Variants in NFATC3 observed in about 807,000 individuals in gnomAD.
The protein encoded by NFATC3 is nuclear factor of activated T cells 3.
Under a neutral mutation model 98.6 loss-of-function variants are expected in NFATC3, and 46 were observed. The observed-to-expected ratio is 0.47, with a 90% CI of 0.37 to 0.60. The LOEUF (loss-of-function observed/expected upper bound fraction) is 0.60. Among genes scored for constraint, NFATC3 ranks in the 20% least tolerant of loss-of-function variants. NFATC3 has a pLI of 0.00. For synonymous variants in NFATC3, 512 were observed against 472.2 expected (o/e 1.08, Z -1.09); for missense variants, 1,256 against 1,295.5 (o/e 0.97, Z 0.47).
chr16:68,086,368 A>G (rs2034373735), intron 1 of NFATC3, among the ~76,000 whole-genome samples: 1 of 152,124 alleles, frequency 6.6e-6, no homozygotes, highest in Admixed American at 6.5e-5. Context: ...TTACTTGAAT[A>G]AAGTGTTCCG....
At chr16:68,163,995 G>A (rs937269948) in intron 4 of NFATC3, among the ~76,000 whole-genome samples, 14 of 152,088 alleles carry the variant, frequency 9.2e-5, no homozygotes, top group African/African-American at 3.1e-4. Flanking sequence ...CTTCCCAGAC[G>A]GGGTGGCGGC....
rs1489948236 is a variant in NFATC3, at chr16:68,192,228, AAAATAT to A, written c.3106+455_3106+460del. 3 of 72,524 alleles carry A rather than the reference AAAATAT, an allele frequency of 4.1e-5. 1 individual carries two copies. In the Admixed American group the frequency reaches 5.7e-4, roughly 14 times the overall value. 4.5% of individuals were successfully genotyped at this position (72,524 alleles called of 1,614,324 possible). On this transcript the variant is annotated intron_variant, in intron 9 of 9. Coordinates refer to ENST00000346183, the MANE Select transcript of NFATC3 (RefSeq NM_173165.3). Reference sequence around the variant, plus strand: ...GTCTCGGGAAAAAAAAAAAAAAAAAAAAATATATATATATATATATATATATGTATG... The same window carrying A: ...GTCTCGGGAAAAAAAAAAAAAAAAAAATATATATATATATATATATGTATG...
At chr16:68,220,213 A>G (rs906531120) in intron 9 of NFATC3, among the ~76,000 whole-genome samples, 10 of 152,110 alleles carry the variant, frequency 6.6e-5, no homozygotes, top group African/African-American at 2.2e-4. Flanking sequence ...CTTTTAATTC[A>G]CTTTGCTCTT....
chr16:68,127,354 A>T (rs2036890435), intron 3 of NFATC3, among the ~76,000 whole-genome samples: 1 of 152,156 alleles, frequency 6.6e-6, no homozygotes, highest in South Asian at 2.1e-4. Flanking sequence ...TATTTAGTGG[A>T]AGACTGAATG....
intron 3 of NFATC3, among the ~76,000 whole-genome samples, chr16:68,137,323 A>C (rs1196746761): frequency 6.6e-6 from 1 of 152,150 alleles, no homozygotes; most frequent in Non-Finnish European, 1.5e-5. Context: ...ACAAACACAC[A>C]CATTAGCCCA....
chr16:68,185,670 T>A (rs2040161697), intron 8 of NFATC3, among the ~76,000 whole-genome samples: 1 of 151,898 alleles, frequency 6.6e-6, no homozygotes, highest in Admixed American at 6.6e-5. Context: ...GGTCAGGAGA[T>A]TGAGACCACG....
intron 1 of NFATC3, among the ~76,000 whole-genome samples, chr16:68,110,603 C>T (rs1371840858): frequency 3.3e-5 from 5 of 150,618 alleles, no homozygotes; most frequent in East Asian, 1.9e-4. Flanking sequence ...CGTGAGCCAC[C>T]GCGCCCAGCC....
At chr16:68,103,513 C>T (rs1247898310) in intron 1 of NFATC3, among the ~76,000 whole-genome samples, 19 of 152,210 alleles carry the variant, frequency 1.2e-4, no homozygotes, top group Admixed American at 3.3e-4. Flanking sequence ...CTTGGCCTCA[C>T]TTTCTTGATG....
chr16:68,087,569 A>G (rs968575689), intron 1 of NFATC3, among the ~76,000 whole-genome samples: 2 of 150,290 alleles, frequency 1.3e-5, no homozygotes, highest in African/African-American at 2.5e-5. Context: ...AAGGCAAAAT[A>G]CATATGAAAA....
chr16:68,141,960 C>A (rs1017800737), intron 3 of NFATC3, among the ~76,000 whole-genome samples: 6 of 152,094 alleles, frequency 3.9e-5, no homozygotes, highest in African/African-American at 7.2e-5. Flanking sequence ...AGTCTTTAAT[C>A]CATCTTGAGT....
At chr16:68,223,212 A>G (rs2041929457) in intron 9 of NFATC3, among the ~76,000 whole-genome samples, 1 of 152,254 alleles carries the variant, frequency 6.6e-6, no homozygotes, top group African/African-American at 2.4e-5. Context: ...TGAATGGTTA[A>G]TAAATCCTAG....
rs778440899 is a variant in NFATC3 at position 68,166,871 on chromosome 16, C to T, written c.1630C>T (p.Arg544Cys). 8.1e-6 allele frequency: 13 copies of T among 1,613,418 alleles called. No homozygotes were observed. The highest frequency in any genetic ancestry group is 4.5e-5 in the East Asian group (2 of 44,858). The stretch of plus-strand genomic sequence containing the variant: ...TGATTGTGCAGGTATTTTGAAACTC[C>T]GCAATTCAGATATAGAACTTCGAAA... ...SIDCAGILKL[R>C]NSDIELRKGE... Residue 544 changes from arginine to cysteine, a missense_variant, in exon 5 of 10, where the codon CGC (arginine) becomes TGC (cysteine). Transcript: ENST00000346183.
At chr16:68,112,646 GTTTTTTT>G (rs914607835) in intron 1 of NFATC3, among the ~76,000 whole-genome samples, 41 of 97,680 alleles carry the variant, frequency 4.2e-4, no homozygotes, top group South Asian at 6.6e-4. Flanking sequence ...TTTCTTTTTC[GTTTTTTT>G]TTTTTTTTTT....
intron 1 of NFATC3, among the ~76,000 whole-genome samples, chr16:68,111,707 C>G (rs993540522): frequency 6.6e-6 from 1 of 152,106 alleles, no homozygotes; most frequent in Non-Finnish European, 1.5e-5. Context: ...AATGTAGTTG[C>G]TTCATAGTGT....
chr16:68,097,232 A>G (rs1387032424), intron 1 of NFATC3, among the ~76,000 whole-genome samples: 1 of 152,236 alleles, frequency 6.6e-6, no homozygotes, highest in Non-Finnish European at 1.5e-5. Flanking sequence ...TGCTATTACA[A>G]AATGTCTGTG....
chr16:68,194,513 A>G (rs1047582907), intron 9 of NFATC3, among the ~76,000 whole-genome samples: 3 of 152,260 alleles, frequency 2.0e-5, no homozygotes, highest in Non-Finnish European at 4.4e-5. Flanking sequence ...CAGATTTGAA[A>G]TAAAGGCTTA....
At chr16:68,213,026 C>T (rs1183482608) in intron 9 of NFATC3, among the ~76,000 whole-genome samples, 1 of 143,500 alleles carries the variant, frequency 7.0e-6, no homozygotes, top group Non-Finnish European at 1.5e-5. Flanking sequence ...GTCTCGGTGT[C>T]CTCACCTCAT....
intron 1 of NFATC3, among the ~76,000 whole-genome samples, chr16:68,098,274 T>G (rs1332590214): frequency 4.3e-5 from 5 of 115,826 alleles, no homozygotes; most frequent in African/African-American, 6.8e-5. Context: ...TTTTTGTCTA[T>G]TATTATTATT....
intron 1 of NFATC3, among the ~76,000 whole-genome samples, chr16:68,099,291 C>T (rs556963014): frequency 1.2e-4 from 18 of 152,108 alleles, no homozygotes; most frequent in South Asian, 2.1e-4. Context: ...AAAAATTAGC[C>T]GGCTGTGGTG....
Sources: allele counts gnomAD v4.1 joint callset (sites outside exome capture counted in the v4.1 genomes callset), GRCh38; gene constraint gnomAD v4.1.1; transcripts MANE v1.5; gene names NCBI Gene and HGNC (gene_info 2026-07-23, HGNC 2026-07-21).